CPEB4: variants seen among roughly 807,000 people sequenced by gnomAD.
CPEB4 encodes the protein cytoplasmic polyadenylation element-binding protein 4.
In CPEB4, 12 loss-of-function variants were observed where a neutral mutation model predicts 72.5. The ratio of observed to expected loss-of-function variants is 0.17; its 90% CI spans 0.11 to 0.27. The LOEUF is 0.27. Ranked by LOEUF, CPEB4 falls within the 10% of genes least tolerant of loss-of-function variation. The pLI is 1.00. For synonymous variants in CPEB4, 302 were observed against 326.3 expected (o/e 0.93, Z 0.80); for missense variants, 614 against 908.5 (o/e 0.68, Z 4.17).
At chr5:173,936,049 G>A (rs1353419709) in intron 3 of CPEB4, among the ~76,000 whole-genome samples, 4 of 152,290 alleles carry the variant, frequency 2.6e-5, no homozygotes, top group Admixed American at 6.5e-5. Flanking sequence ...TTATTGCTGT[G>A]TTAATAGTTG....
chr5:173,893,504 A>G (rs1323832696), intron 1 of CPEB4, among the ~76,000 whole-genome samples: 1 of 152,190 alleles, frequency 6.6e-6, no homozygotes, highest in Admixed American at 6.5e-5. Flanking sequence ...AAGAAATTTT[A>G]TAGATATTAG....
At chr5:173,913,069 C>A (rs1756724601) in intron 2 of CPEB4, among the ~76,000 whole-genome samples, 1 of 151,924 alleles carries the variant, frequency 6.6e-6, no homozygotes, top group East Asian at 1.9e-4. Flanking sequence ...TTCTAAGTGC[C>A]TATGGTTTTT....
chr5:173,919,185 A>G (rs999408042), intron 2 of CPEB4, among the ~76,000 whole-genome samples: 9 of 152,224 alleles, frequency 5.9e-5, no homozygotes, highest in Non-Finnish European at 8.8e-5. Flanking sequence ...TAAGAAAACA[A>G]GCAACAATCA....
In CPEB4 at chr5:173,950,537, G is replaced by T. The variant is rs1330125899; in HGVS notation, c.1665+459G>T. Reference sequence around the variant, plus strand: ...GGACAATCACCTGAACCCAGGAGGCGGAGGTTGCAGTGAGCAGAGATTGCA... The same window carrying T: ...GGACAATCACCTGAACCCAGGAGGCTGAGGTTGCAGTGAGCAGAGATTGCA... On this transcript the variant is annotated intron_variant, in intron 7 of 9. Transcript: ENST00000265085. This position sits in a 1 kb window ranked among gnomAD's most constrained non-coding sequence, Gnocchi z 5.0. 1.3e-5 allele frequency among the ~76,000 whole-genome samples: 2 copies of T among 152,006 alleles called. No individual in the cohort carries two copies. Among genetic ancestry groups the T allele is most frequent in the Admixed American group, 6.6e-5 (1 of 15,230 alleles).
At chr5:173,932,307 T>C in intron 2 of CPEB4, 143 bp from the exon 3 acceptor site, 2 of 515,208 alleles carry the variant, frequency 3.9e-6, no homozygotes, top group Non-Finnish European at 6.8e-6. Context: ...CCTTTTTGAA[T>C]ATTGATGAAC....
Position 173,953,246 on chromosome 5 carries a change from C to T in CPEB4, c.1936C>T (p.Leu646=), listed in dbSNP as rs367690139. The change falls in exon 9 of 10, where the codon CTG becomes TTG. Residue 646 remains leucine (L), a synonymous_variant. Transcript: ENST00000265085. ...IAAISARFVQ[L]QHGEIDKRVE... is the part of the protein sequence containing the mutation. The stretch of plus-strand genomic sequence containing the variant: ...TGCTATCAGTGCCCGCTTTGTTCAG[C>T]TGCAGCATGGAGAGATAGATAAACG... The T allele has an allele frequency of 1.1e-5, 17 of 1,606,374 alleles. No individual in the cohort carries two copies. Among genetic ancestry groups the T allele is most frequent in the Non-Finnish European group, 1.4e-5 (17 of 1,175,662 alleles).
chr5:173,953,416 G>T (rs1447050439), intron 9 of CPEB4, 144 bp downstream of exon 9: 3 of 505,880 alleles, frequency 5.9e-6, no homozygotes, highest in East Asian at 6.1e-5. Flanking sequence ...TATAATACAT[G>T]AAATAATGTC....
chr5:173,901,901 T>C (rs1034293249), intron 1 of CPEB4, among the ~76,000 whole-genome samples: 2 of 152,190 alleles, frequency 1.3e-5, no homozygotes, highest in Non-Finnish European at 2.9e-5. Flanking sequence ...ATGGTGATAG[T>C]ATAAGCTCTG....
Position 173,956,317 on chromosome 5 carries a change from A to C in CPEB4, c.*180A>C. 1 of 540,950 alleles carries C rather than the reference A, an allele frequency of 1.8e-6. No individual in the cohort carries two copies. The highest frequency in any genetic ancestry group is 3.3e-6 in the Non-Finnish European group (1 of 304,492). The allele number at this position is 540,950 out of a possible 1,614,324, so 33.5% of individuals were successfully genotyped here. On this transcript the variant is annotated 3_prime_UTR_variant, in exon 10 of 10. Transcript: ENST00000265085. ...GTTTTGTAGATTCTTGTGTCACTGC[A>C]AACAATATGAACTCCTTTTTCGTAT...
chr5:173,919,189 A>T (rs1171373935), intron 2 of CPEB4, among the ~76,000 whole-genome samples: 1 of 152,188 alleles, frequency 6.6e-6, no homozygotes, highest in African/African-American at 2.4e-5. Flanking sequence ...AAAACAAGCA[A>T]CAATCAGGTA....
chr5:173,923,333 G>GACT (rs1249729200), intron 2 of CPEB4, among the ~76,000 whole-genome samples: 18 of 152,206 alleles, frequency 1.2e-4, no homozygotes, highest in African/African-American at 4.1e-4. Context: ...ATTCTCTTTA[G>GACT]TTTCTGTAGT....
intron 1 of CPEB4, among the ~76,000 whole-genome samples, chr5:173,894,337 G>A (rs945059442): frequency 2.6e-5 from 4 of 152,080 alleles, no homozygotes; most frequent in African/African-American, 9.7e-5. Flanking sequence ...TAGCTAACAT[G>A]TGGCGGGGTG....
chr5:173,888,822 GC>G lies in CPEB4; in HGVS notation c.-907del. On this transcript the variant is annotated 5_prime_UTR_variant, in exon 1 of 10. The change abolishes the stop of an existing upstream ORF in the 5' untranslated region. Coordinates refer to ENST00000265085, the MANE Select transcript of CPEB4 (RefSeq NM_030627.4). This position sits in a 1 kb window ranked among gnomAD's most constrained non-coding sequence, Gnocchi z 4.3. Reference sequence around the variant, plus strand: ...CAGAAACCGCAGGACCTTCCAGGTCGCCCCCTCGGTCCCCGCACCCCCAGGC... The same window carrying G: ...CAGAAACCGCAGGACCTTCCAGGTCGCCCCTCGGTCCCCGCACCCCCAGGC... The G allele has an allele frequency of 3.1e-6, 1 of 322,276 alleles. No individual in the cohort carries two copies. Among genetic ancestry groups the G allele is most frequent in the Non-Finnish European group, 5.6e-6 (1 of 178,716 alleles). 20.0% of individuals were successfully genotyped at this position (322,276 alleles called of 1,614,324 possible). A position where few individuals can be genotyped will look rare whatever the true frequency, so the allele number is the denominator to read the frequency against.
At position 173,924,566 on chromosome 5, in the gene CPEB4, G is replaced by A. The variant is rs545915716; in HGVS notation, c.1208-7884G>A. Among the ~76,000 whole-genome samples the A allele has an allele frequency of 4.6e-5, 7 of 152,248 alleles. No homozygotes were observed. In the South Asian group the frequency reaches 1.4e-3, roughly 31 times the overall value. ...CGGCTTATTACTGGGGAAGGGAAAG[G>A]AATTAATTTTGTTAAGTACCTACTG... is the stretch of plus-strand genomic sequence containing the variant. On this transcript the variant is annotated intron_variant, in intron 2 of 9. Coordinates refer to ENST00000265085, the MANE Select transcript of CPEB4 (RefSeq NM_030627.4).
At chr5:173,922,418 A>G (rs772605206) in intron 2 of CPEB4, among the ~76,000 whole-genome samples, 3 of 152,090 alleles carry the variant, frequency 2.0e-5, no homozygotes, top group Non-Finnish European at 4.4e-5. Flanking sequence ...TTTTGCAGAA[A>G]TGGGGCTTTG....
intron 1 of CPEB4, among the ~76,000 whole-genome samples, chr5:173,898,625 C>T (rs570181977): frequency 1.3e-5 from 2 of 152,308 alleles, no homozygotes; most frequent in African/African-American, 4.8e-5. Context: ...CAAAATATAG[C>T]ACAATTTCTT....
Position 173,895,176 on chromosome 5 carries a change from G to GA in CPEB4, c.1125+4328dup, listed in dbSNP as rs572394008. On this transcript the variant is annotated intron_variant, in intron 1 of 9. Coordinates refer to ENST00000265085, the MANE Select transcript of CPEB4 (RefSeq NM_030627.4). ...GGCATGATTGGACCCTTACAGTAAG[G>GA]AAAAAAAAAATCCTGTCTTACCAAA... Among the ~76,000 whole-genome samples the GA allele has an allele frequency of 6.5e-4, 97 of 149,142 alleles. 1 individual carries two copies. Among genetic ancestry groups the GA allele is most frequent in the Middle Eastern group, 6.9e-3 (2 of 290 alleles).
intron 2 of CPEB4, among the ~76,000 whole-genome samples, chr5:173,929,068 G>C (rs139190542): frequency 1.1e-4 from 17 of 152,266 alleles, no homozygotes; most frequent in Non-Finnish European, 1.9e-4. Flanking sequence ...TTAAAAACAA[G>C]TATCACTTTC....
intron 1 of CPEB4, among the ~76,000 whole-genome samples, chr5:173,896,147 C>T (rs1016431050): frequency 1.9e-4 from 29 of 152,086 alleles, no homozygotes; most frequent in Admixed American, 2.0e-4. Flanking sequence ...CTTGATAATT[C>T]GCTGTCATAT....
Sources: allele counts gnomAD v4.1 joint callset (sites outside exome capture counted in the v4.1 genomes callset), GRCh38; gene constraint gnomAD v4.1.1; non-coding constraint Gnocchi (gnomAD v3.1); transcripts MANE v1.5; gene names NCBI Gene and HGNC (gene_info 2026-07-23, HGNC 2026-07-21).